RAB3C: variants seen among roughly 807,000 people sequenced by gnomAD.
The protein encoded by RAB3C is ras-related protein Rab-3C.
RAB3C carries 17 observed loss-of-function variants against 26.4 expected under a neutral mutation model. The observed-to-expected ratio is 0.64, with a 90% CI of 0.44 to 0.97. RAB3C has a LOEUF of 0.97. Among genes scored for constraint, RAB3C ranks in the 50% least tolerant of loss-of-function variants. RAB3C has a pLI of 0.00. For synonymous variants in RAB3C, 91 were observed against 95.9 expected (o/e 0.95, Z 0.30); for missense variants, 242 against 281.9 (o/e 0.86, Z 1.01).
Position 58,652,649 on chromosome 5 carries a change from C to A in RAB3C, c.252+34779C>A, listed in dbSNP as rs1206469441. Among the ~76,000 whole-genome samples, 3 of 149,972 alleles carry A rather than the reference C, an allele frequency of 2.0e-5. No homozygotes were observed. The East Asian group carries it at 5.9e-4, about 29-fold the overall frequency. ...CAAACCTCTGGTACTGGTACATACA[C>A]ATATACACATCTATATATTTAGATG... On this transcript the variant is annotated intron_variant, in intron 2 of 4. Transcript: ENST00000282878.
At chr5:58,730,107 C>T (rs1740981138) in intron 3 of RAB3C, among the ~76,000 whole-genome samples, 1 of 151,398 alleles carries the variant, frequency 6.6e-6, no homozygotes, top group Admixed American at 6.6e-5. Flanking sequence ...TGTATTGCCG[C>T]TATGGCACCA....
At chr5:58,836,792 CTT>C (rs1255605599) in intron 4 of RAB3C, among the ~76,000 whole-genome samples, 2 of 152,156 alleles carry the variant, frequency 1.3e-5, no homozygotes, top group East Asian at 1.9e-4. Context: ...TTTTTGGACA[CTT>C]AGGTTGATTC....
intron 3 of RAB3C, among the ~76,000 whole-genome samples, chr5:58,804,356 C>T (rs2112030839): frequency 6.6e-6 from 1 of 152,252 alleles, no homozygotes; most frequent in East Asian, 1.9e-4. Flanking sequence ...CTCCCCCAGG[C>T]CTCTAATCTT....
At chr5:58,709,690 T>G (rs1359412800) in intron 2 of RAB3C, among the ~76,000 whole-genome samples, 2 of 152,210 alleles carry the variant, frequency 1.3e-5, no homozygotes, top group Non-Finnish European at 2.9e-5. Flanking sequence ...TCCTTTCGTC[T>G]TCTTTGTAGC....
At chr5:58,838,440 T>G (rs533337512) in intron 4 of RAB3C, among the ~76,000 whole-genome samples, 11 of 152,296 alleles carry the variant, frequency 7.2e-5, no homozygotes, top group African/African-American at 2.4e-4. Context: ...CTTAATTTCT[T>G]TCTTCACCCA....
At chr5:58,816,039 G>T (rs1743208418) in intron 3 of RAB3C, among the ~76,000 whole-genome samples, 1 of 152,084 alleles carries the variant, frequency 6.6e-6, no homozygotes. Context: ...CCCATAAACT[G>T]GCTCTTTGAA....
At chr5:58,783,762 CCTT>C (rs1294639672) in intron 3 of RAB3C, among the ~76,000 whole-genome samples, 2 of 152,140 alleles carry the variant, frequency 1.3e-5, no homozygotes, top group Non-Finnish European at 2.9e-5. Context: ...AAACATTCTC[CCTT>C]CTTCTTTCCT....
intron 3 of RAB3C, among the ~76,000 whole-genome samples, chr5:58,773,546 G>T (rs1742067144): frequency 6.6e-6 from 1 of 152,116 alleles, no homozygotes; most frequent in African/African-American, 2.4e-5. Flanking sequence ...TGAATAATTT[G>T]TGAGGAGTCA....
chr5:58,745,392 C>CAAAAAAAAAAAAAAAAAAAAAAAAAA (rs1173604247), intron 3 of RAB3C, among the ~76,000 whole-genome samples: 1 of 33,110 alleles, frequency 3.0e-5, no homozygotes, highest in African/African-American at 9.3e-5. Context: ...GACTCTGCTT[C>CAAAAAAAAAAAAAAAAAAAAAAAAAA]AAAAAAAAAA....
At chr5:58,841,631 A>G (rs2112080371) in intron 4 of RAB3C, among the ~76,000 whole-genome samples, 1 of 152,264 alleles carries the variant, frequency 6.6e-6, no homozygotes, top group Non-Finnish European at 1.5e-5. Flanking sequence ...AAATGGGCTT[A>G]GGGTTTGCAA....
intron 4 of RAB3C, among the ~76,000 whole-genome samples, chr5:58,833,926 A>G (rs1183644860): frequency 6.6e-6 from 1 of 152,222 alleles, no homozygotes; most frequent in African/African-American, 2.4e-5. Context: ...ACAACATTGC[A>G]TATTGCATAG....
At chr5:58,745,416 AAAAG>A (rs1486574507) in intron 3 of RAB3C, among the ~76,000 whole-genome samples, 11 of 149,188 alleles carry the variant, frequency 7.4e-5, no homozygotes, top group African/African-American at 2.8e-4. Context: ...AAAAAAAAAA[AAAAG>A]AAAGTAGATG....
intron 3 of RAB3C, among the ~76,000 whole-genome samples, chr5:58,737,413 AT>A (rs1741168705): frequency 1.4e-4 from 11 of 78,736 alleles, no homozygotes; most frequent in South Asian, 1.2e-3. Context: ...ATATATATAT[AT>A]ATATATATAT....
At chr5:58,702,568 T>TTC (rs1369428886) in intron 2 of RAB3C, among the ~76,000 whole-genome samples, 1 of 130,940 alleles carries the variant, frequency 7.6e-6, no homozygotes, top group African/African-American at 3.0e-5. Context: ...TCATTCTCCT[T>TTC]TCTCTCTCTC....
chr5:58,677,921 G>C (rs935567533), intron 2 of RAB3C, among the ~76,000 whole-genome samples: 2 of 151,804 alleles, frequency 1.3e-5, no homozygotes, highest in Admixed American at 6.6e-5. Flanking sequence ...TAGAATCAAA[G>C]AATGATTTAT....
chr5:58,837,374 G>T (rs1445698206), intron 4 of RAB3C, among the ~76,000 whole-genome samples: 1 of 151,926 alleles, frequency 6.6e-6, no homozygotes, highest in Non-Finnish European at 1.5e-5. Flanking sequence ...TAGAGATGGG[G>T]TTTTGCCATG....
At chr5:58,688,136 T>C (rs1748485219) in intron 2 of RAB3C, among the ~76,000 whole-genome samples, 1 of 152,144 alleles carries the variant, frequency 6.6e-6, no homozygotes, top group African/African-American at 2.4e-5. Context: ...ATTGTTCTAA[T>C]GGTTTCTCCA....
chr5:58,632,021 C>CAG (rs759876190), intron 2 of RAB3C, among the ~76,000 whole-genome samples: 4 of 152,220 alleles, frequency 2.6e-5, no homozygotes, highest in Non-Finnish European at 5.9e-5. Context: ...GCTTCTTACT[C>CAG]AGAGACTGGT....
intron 3 of RAB3C, among the ~76,000 whole-genome samples, chr5:58,727,367 C>T (rs1220525291): frequency 1.3e-5 from 2 of 151,810 alleles, no homozygotes; most frequent in African/African-American, 4.8e-5. Flanking sequence ...CTAAAAAAGA[C>T]AAGTTTAAGA....
Sources: gnomAD v4.1 joint callset for allele counts (sites outside exome capture counted in the v4.1 genomes callset) on GRCh38, gnomAD v4.1.1 for gene constraint, MANE v1.5 for transcripts, NCBI Gene and HGNC (gene_info 2026-07-23, HGNC 2026-07-21) for gene names.